ADAM17: variants seen among roughly 807,000 people sequenced by gnomAD.
ADAM17 encodes disintegrin and metalloproteinase domain-containing protein 17.
ADAM17 carries 39 observed loss-of-function variants against 96.7 expected under a neutral mutation model. The ratio of observed to expected loss-of-function variants is 0.40; its 90% CI spans 0.31 to 0.53. The LOEUF (loss-of-function observed/expected upper bound fraction) is 0.53. Ranked by LOEUF, ADAM17 falls within the 20% of genes least tolerant of loss-of-function variation. The pLI is 0.44. For missense variants in ADAM17, 777 were observed against 1,013.2 expected (o/e 0.77, Z 3.17); for synonymous variants, 344 against 359.2 (o/e 0.96, Z 0.48).
chr2:9,514,518 A>AATATATATATATAT (rs70948826), intron 10 of ADAM17, among the ~76,000 whole-genome samples: 58 of 89,814 alleles, frequency 6.5e-4, no homozygotes, highest in East Asian at 1.1e-3. Context: ...TTAAAATATA[A>AATATATATATATAT]ATATATATAT....
intron 16 of ADAM17, 53 bp downstream of exon 16, chr2:9,493,694 T>A (rs1466378126): frequency 7.4e-6 from 11 of 1,485,388 alleles, no homozygotes; most frequent in African/African-American, 5.5e-5. Flanking sequence ...TTTTCTAATG[T>A]CATCACAGAA....
chr2:9,553,827 G>A (rs1416472153), intron 1 of ADAM17, among the ~76,000 whole-genome samples: 4 of 152,168 alleles, frequency 2.6e-5, no homozygotes, highest in Non-Finnish European at 5.9e-5. Flanking sequence ...ACTTAGGGAG[G>A]CCCAGGTGGG....
intron 9 of ADAM17, 28 bp from the exon 10 acceptor site, chr2:9,518,017 T>C (rs770506893): frequency 5.7e-6 from 9 of 1,580,870 alleles, no homozygotes; most frequent in East Asian, 2.3e-5. Context: ...CAGAGATAAA[T>C]TGCTTATTAA....
chr2:9,503,446 G>A (rs1257651924), intron 12 of ADAM17, among the ~76,000 whole-genome samples: 1 of 152,182 alleles, frequency 6.6e-6, no homozygotes, highest in East Asian at 1.9e-4. Flanking sequence ...TCCCAAGACT[G>A]TCATTTTGAT....
chr2:9,533,140 G>A (rs1006448318), intron 4 of ADAM17, among the ~76,000 whole-genome samples: 3 of 151,874 alleles, frequency 2.0e-5, no homozygotes, highest in Non-Finnish European at 4.4e-5. Flanking sequence ...GGTGAGCCGA[G>A]ATCGCGCCAT....
chr2:9,539,986 T>G (rs1451548784), intron 2 of ADAM17, among the ~76,000 whole-genome samples: 2 of 152,088 alleles, frequency 1.3e-5, no homozygotes, highest in Non-Finnish European at 2.9e-5. Context: ...ATGGAAACTT[T>G]GTAAAATAAA....
chr2:9,499,193 C>A (rs1662839591), intron 13 of ADAM17, among the ~76,000 whole-genome samples: 1 of 150,124 alleles, frequency 6.7e-6, no homozygotes, highest in Non-Finnish European at 1.5e-5. Flanking sequence ...GGAACTTATC[C>A]TCTGCTATCT....
In ADAM17 at chr2:9,555,610, C is replaced by T. The variant is rs1665723553; in HGVS notation, c.-5G>A. 1 of 1,563,540 alleles carries T rather than the reference C, an allele frequency of 6.4e-7. No individual in the cohort carries two copies. The highest frequency in any genetic ancestry group is 8.7e-7 in the Non-Finnish European group (1 of 1,153,170). ...GAATAGGAGAGACTGCCTCATGTTC[C>T]CGGCCCCGCTACCGACTCCACCTCT... On this transcript the variant is annotated 5_prime_UTR_variant, in exon 1 of 19. Transcript: ENST00000310823.
chr2:9,543,137 G>T lies in ADAM17; in HGVS notation c.230+16C>A. ...CCCCAGTGCCCCAACATTATTCCAT[G>T]AATAATTCAAATTACCTTTTCAAAG... On this transcript the variant is annotated intron_variant, in intron 2 of 18. Coordinates refer to ENST00000310823, the MANE Select transcript of ADAM17 (RefSeq NM_003183.6). The T allele has an allele frequency of 6.4e-7, 1 of 1,567,598 alleles. No homozygotes were observed. Among genetic ancestry groups the T allele is most frequent in the South Asian group, 1.2e-5 (1 of 83,054 alleles).
chr2:9,541,518 G>A (rs943989162), intron 2 of ADAM17, among the ~76,000 whole-genome samples: 3 of 152,106 alleles, frequency 2.0e-5, no homozygotes, highest in African/African-American at 7.2e-5. Context: ...AGCTAAGATC[G>A]TGCCATTGCA....
intron 6 of ADAM17, among the ~76,000 whole-genome samples, chr2:9,525,653 C>T (rs1032871964): frequency 1.3e-5 from 2 of 152,134 alleles, no homozygotes; most frequent in African/African-American, 2.4e-5. Context: ...ATGAAAGTCC[C>T]ACCTATTTCA....
chr2:9,542,110 T>C (rs1466320343), intron 2 of ADAM17, among the ~76,000 whole-genome samples: 1 of 152,192 alleles, frequency 6.6e-6, no homozygotes, highest in African/African-American at 2.4e-5. Flanking sequence ...TAAAGCTTCC[T>C]AAAGACTTTA....
At chr2:9,527,758 T>A (rs1420992439) in intron 5 of ADAM17, 28 bp downstream of exon 5, 2 of 1,445,458 alleles carry the variant, frequency 1.4e-6, no homozygotes, top group Non-Finnish European at 1.8e-6. Context: ...GTTTGTTTCT[T>A]ATTTGAAATA....
chr2:9,545,343 T>C (rs919432232), intron 1 of ADAM17, among the ~76,000 whole-genome samples: 1 of 151,180 alleles, frequency 6.6e-6, no homozygotes, highest in East Asian at 2.0e-4. Context: ...CAGAGGCGGG[T>C]GGATCACCTG....
In ADAM17 at chr2:9,543,380, T is replaced by C. The variant is rs553963192; in HGVS notation, c.98-95A>G. On this transcript the variant is annotated intron_variant, in intron 1 of 18. Transcript: ENST00000310823. ...GTGCCAGACAATAAATCTTTCCTGA[T>C]GTAATCCATTAGGAAGTGCCAAGCA... 54 of 1,158,286 alleles carry C rather than the reference T, an allele frequency of 4.7e-5. No homozygotes were observed. The South Asian group carries it at 1.1e-3, about 23-fold the overall frequency. 71.8% of individuals were successfully genotyped at this position (1,158,286 alleles called of 1,614,324 possible). A position where few individuals can be genotyped will look rare whatever the true frequency, so the allele number is the denominator to read the frequency against.
chr2:9,547,806 T>A (rs141492127), intron 1 of ADAM17, among the ~76,000 whole-genome samples: 2,497 of 152,254 alleles, frequency 0.016, 33 homozygotes, highest in Non-Finnish European at 0.024. Flanking sequence ...TCCCAGCACC[T>A]TGGGAGGCCA....
At chr2:9,528,366 C>T (rs1201966574) in intron 4 of ADAM17, among the ~76,000 whole-genome samples, 2 of 152,148 alleles carry the variant, frequency 1.3e-5, no homozygotes, top group Non-Finnish European at 2.9e-5. Flanking sequence ...GCAGCATTTT[C>T]ATTTTAGTTT....
At chr2:9,512,225 G>C (rs560166418) in intron 10 of ADAM17, 1 of 151,608 alleles carries the variant, frequency 6.6e-6, no homozygotes, top group Admixed American at 6.6e-5. Context: ...AACTGCTTGG[G>C]GAAAATTCAT....
At chr2:9,493,911 T>A in intron 15 of ADAM17, 86 bp from the exon 16 acceptor site, 1 of 1,128,086 alleles carries the variant, frequency 8.9e-7, no homozygotes, top group Non-Finnish European at 1.3e-6. Flanking sequence ...AACTGACATG[T>A]AAAGGGCTTC....
Sources: gnomAD v4.1 joint callset for allele counts (sites outside exome capture counted in the v4.1 genomes callset) on GRCh38, gnomAD v4.1.1 for gene constraint, MANE v1.5 for transcripts, NCBI Gene and HGNC (gene_info 2026-07-23, HGNC 2026-07-21) for gene names.